The following MYPN variants were observed in gnomAD, a reference collection of about 807,000 sequenced individuals.
MYPN encodes the protein sarcomeric protein myopalladin, 145 kDa (MYOP).
A neutral mutation model predicts 129.4 loss-of-function variants in MYPN; 63 were observed. The observed-to-expected ratio is 0.49, with a 90% CI of 0.40 to 0.60. MYPN has a LOEUF of 0.60. Among genes scored for constraint, MYPN ranks in the 20% least tolerant of loss-of-function variants. MYPN has a pLI of 0.00. For synonymous variants in MYPN, 629 were observed against 600.9 expected (o/e 1.05, Z -0.68); for missense variants, 1,596 against 1,635.4 (o/e 0.98, Z 0.42).
intron 2 of MYPN, among the ~76,000 whole-genome samples, chr10:68,133,823 A>G (rs7923336): frequency 0.37 from 55,130 of 148,564 alleles, 11,525 homozygotes; most frequent in East Asian, 0.66. Flanking sequence ...CAAGCAGGGC[A>G]GCATCCCAGA....
Position 68,122,041 on chromosome 10 carries a change from T to G in MYPN, c.603T>G (p.Asp201Glu), listed in dbSNP as rs757428213. The change falls in exon 2 of 20, where the codon GAT becomes GAG. Residue 201 changes from aspartate to glutamate, a missense_variant. Coordinates refer to ENST00000358913, the MANE Select transcript of MYPN (RefSeq NM_032578.4). ...AGGAAAACAGCTCCAGTTTCTCAGA[T>G]CTGTCAGAAAGACGAGAAAGATCTT... is the stretch of plus-strand genomic sequence containing the variant. ...VMQENSSSFS[D>E]LSERRERSSV... 6.2e-7 allele frequency: 1 copy of G among 1,614,198 alleles called. No homozygotes were observed. The highest frequency in any genetic ancestry group is 8.5e-7 in the Non-Finnish European group (1 of 1,180,050).
chr10:68,173,888 A>G (rs2134197612), intron 10 of MYPN, among the ~76,000 whole-genome samples, 178 bp from the exon 11 acceptor site: 1 of 151,456 alleles, frequency 6.6e-6, no homozygotes, highest in Admixed American at 6.6e-5. Flanking sequence ...GCTGGTCTCA[A>G]ACTCCTGGAC....
At chr10:68,139,218 A>G (rs1262027579) in intron 2 of MYPN, among the ~76,000 whole-genome samples, 1 of 152,156 alleles carries the variant, frequency 6.6e-6, no homozygotes, top group African/African-American at 2.4e-5. Context: ...ACTTGTAACC[A>G]ACCTCCCTGT....
intron 12 of MYPN, among the ~76,000 whole-genome samples, chr10:68,177,882 C>T (rs560905289): frequency 1.6e-4 from 24 of 152,180 alleles, no homozygotes; most frequent in Non-Finnish European, 2.2e-4. Context: ...GTTCTCTTGC[C>T]CTATTTTAGT....
intron 10 of MYPN, among the ~76,000 whole-genome samples, chr10:68,172,516 A>T (rs574709002): frequency 1.3e-5 from 2 of 152,328 alleles, no homozygotes; most frequent in Non-Finnish European, 2.9e-5. Context: ...ATATGATTTT[A>T]AGACATTTTT....
intron 10 of MYPN, among the ~76,000 whole-genome samples, chr10:68,167,870 A>T (rs1004182582): frequency 2.8e-4 from 43 of 152,224 alleles, no homozygotes; most frequent in African/African-American, 9.6e-4. Context: ...GGAAGAGGTT[A>T]TTGCAGGGAT....
intron 12 of MYPN, among the ~76,000 whole-genome samples, chr10:68,177,949 C>T (rs768673929): frequency 6.6e-6 from 1 of 152,190 alleles, no homozygotes; most frequent in African/African-American, 2.4e-5. Flanking sequence ...AGCATTAACA[C>T]ATTGTGCTGA....
chr10:68,178,224 T>C (rs1194356785), intron 12 of MYPN, among the ~76,000 whole-genome samples: 3 of 152,202 alleles, frequency 2.0e-5, no homozygotes, highest in Non-Finnish European at 4.4e-5. Context: ...TTTATTAAAA[T>C]TTTTAGCTTT....
In MYPN at chr10:68,166,313, C is replaced by A; in HGVS notation, c.1620C>A (p.Asn540Lys). The change falls in exon 10 of 20, where the codon AAC becomes AAA. Residue 540 changes from asparagine (N) to lysine (K), a missense_variant. Physicochemically the swap from Asn to Lys is moderately conservative, Grantham distance 94. Coordinates refer to ENST00000358913, the MANE Select transcript of MYPN (RefSeq NM_032578.4). ...LHVRGNEDLS[N>K]NGSLHSANST... ...TTTCAGGAAATGAGGACCTCAGCAA[C>A]AACGGGTCTCTTCACTCAGCCAACT... The A allele has an allele frequency of 6.2e-7, 1 of 1,614,118 alleles. No individual in the cohort carries two copies. Among genetic ancestry groups the A allele is most frequent in the Non-Finnish European group, 8.5e-7 (1 of 1,180,044 alleles).
At chr10:68,150,685 T>C (rs915863370) in intron 6 of MYPN, among the ~76,000 whole-genome samples, 5 of 152,174 alleles carry the variant, frequency 3.3e-5, no homozygotes, top group Non-Finnish European at 4.4e-5. Context: ...GATGAAGCCA[T>C]GTAGCCAATG....
At chr10:68,171,983 T>C (rs1296032616) in intron 10 of MYPN, among the ~76,000 whole-genome samples, 2 of 152,222 alleles carry the variant, frequency 1.3e-5, no homozygotes, top group Admixed American at 1.3e-4. Context: ...CATTTTATCT[T>C]AAGAATTCAA....
At chr10:68,096,013 A>G (rs2041954834) in intron 1 of MYPN, among the ~76,000 whole-genome samples, 2 of 152,216 alleles carry the variant, frequency 1.3e-5, no homozygotes, top group Admixed American at 1.3e-4. Context: ...CCTTTTTCTC[A>G]CAAAATTGAA....
intron 8 of MYPN, 56 bp downstream of exon 8, chr10:68,161,808 G>T: frequency 7.7e-7 from 1 of 1,303,478 alleles, no homozygotes; most frequent in Non-Finnish European, 1.1e-6. Context: ...ATATATACAA[G>T]AATACATAAT....
Position 68,122,247 on chromosome 10 carries a change from G to C in MYPN, c.809G>C (p.Arg270Pro). Reference sequence around the variant, plus strand: ...GAAGAACCTCTGGGGCAACCTCCCCGGTTCACTCAAAAGTTACGGAGCAGA... The same window carrying C: ...GAAGAACCTCTGGGGCAACCTCCCCCGTTCACTCAAAAGTTACGGAGCAGA... ...YYEEPLGQPP[R>P]FTQKLRSREV... The change falls in exon 2 of 20, where the codon CGG (arginine) becomes CCG (proline). Residue 270 changes from arginine (R) to proline (P), a missense_variant. Coordinates refer to ENST00000358913, the MANE Select transcript of MYPN (RefSeq NM_032578.4). 6.2e-7 allele frequency: 1 copy of C among 1,613,454 alleles called. No homozygotes were observed. Among genetic ancestry groups the C allele is most frequent in the South Asian group, 1.1e-5 (1 of 90,970 alleles).
chr10:68,106,196 T>C (rs2042010795), upstream of MYPN: 1 of 453,834 alleles, frequency 2.2e-6, no homozygotes. Flanking sequence ...AACCACAAAT[T>C]TACTTCTCAG....
At chr10:68,189,806 A>G (rs7091249) in intron 13 of MYPN, among the ~76,000 whole-genome samples, 149,874 of 152,322 alleles carry the variant, frequency 0.98, 73,786 homozygotes, top group Middle Eastern at 1. Context: ...CTTGGCTATC[A>G]TGAATAGTGC....
chr10:68,119,304 C>A lies in MYPN; in HGVS notation c.-1-2134C>A, dbSNP rs117418996. 9.2e-3 allele frequency among the ~76,000 whole-genome samples: 1,393 copies of A among 152,120 alleles called. 8 individuals carry two copies. Among genetic ancestry groups the A allele is most frequent in the South Asian group, 0.016 (78 of 4,816 alleles). On this transcript the variant is annotated intron_variant, in intron 1 of 19. Coordinates refer to ENST00000358913, the MANE Select transcript of MYPN (RefSeq NM_032578.4). ...AATTAACTAATTTCTTATTACTGAACATGGTTACAATTTTTAAATATTATC... is the reference window on the plus strand; with the variant it reads ...AATTAACTAATTTCTTATTACTGAAAATGGTTACAATTTTTAAATATTATC...
At chr10:68,143,240 C>T (rs1304382920) in intron 3 of MYPN, 125 bp downstream of exon 3, 5 of 848,636 alleles carry the variant, frequency 5.9e-6, no homozygotes, top group African/African-American at 1.7e-5. Context: ...AGCAGTGAAC[C>T]GAGTAGAACA....
intron 2 of MYPN, chr10:68,136,310 T>A (rs991470049): frequency 2.1e-6 from 2 of 969,982 alleles, no homozygotes; most frequent in Admixed American, 5.9e-5. Flanking sequence ...TTTATCCCAA[T>A]CATTGACTCA....
Sources: gnomAD v4.1 joint callset for allele counts (sites outside exome capture counted in the v4.1 genomes callset) on GRCh38, gnomAD v4.1.1 for gene constraint, MANE v1.5 for transcripts, NCBI Gene and HGNC (gene_info 2026-07-23, HGNC 2026-07-21) for gene names.